Variants in DYSF observed in about 807,000 individuals in gnomAD.
The protein encoded by DYSF is dystrophy-associated fer-1-like 1.
A neutral mutation model predicts 274.9 loss-of-function variants in DYSF; 212 were observed. The observed-to-expected ratio is 0.77, with a 90% confidence interval of 0.69 to 0.86. DYSF has a LOEUF of 0.86. DYSF is among the 40% of genes least tolerant of loss of function. The pLI is 0.00. For synonymous variants in DYSF, 1,091 were observed against 1,078.7 expected (o/e 1.01, Z -0.22); for missense variants, 2,666 against 2,783.2 (o/e 0.96, Z 0.95).
At chr2:71,627,763 A>G (rs79228880) in intron 41 of DYSF, among the ~76,000 whole-genome samples, 5,265 of 152,166 alleles carry the variant, frequency 0.035, 158 homozygotes, top group Admixed American at 0.099. Flanking sequence ...TTCTCTCTCT[A>G]TAGAGAATTC....
chr2:71,662,518 G>GTGTA (rs778404663), intron 45 of DYSF, among the ~76,000 whole-genome samples: 1 of 151,020 alleles, frequency 6.6e-6, no homozygotes, highest in African/African-American at 2.4e-5. Context: ...ATGTGTATGT[G>GTGTA]TGTCTGTGTT....
rs753524567 is a variant in DYSF at position 71,535,088 on chromosome 2, T to C, written c.1448T>C (p.Met483Thr). The change falls in exon 15 of 56, where the codon ATG (methionine) becomes ACG (threonine). Residue 483 changes from methionine (M) to threonine (T), a missense_variant and splice_region_variant. This residue lies in a region of DYSF where 794 missense variants were observed against 777.1 expected (regional missense o/e 1.02). Transcript: ENST00000410020. The stretch of plus-strand genomic sequence containing the variant: ...AACCAGAACATCACACTGCCTGCCA[T>C]GGTGAGCCTCCTGCCCCCAGCAAAC... ...QWNQNITLPA[M>T]FPSMCEKMRI... 3.1e-6 allele frequency: 5 copies of C among 1,614,018 alleles called. No homozygotes were observed. The highest frequency in any genetic ancestry group is 1.1e-5 in the South Asian group (1 of 91,078).
At chr2:71,599,996 C>T (rs1051428651) in intron 33 of DYSF, among the ~76,000 whole-genome samples, 3 of 151,858 alleles carry the variant, frequency 2.0e-5, no homozygotes, top group African/African-American at 7.3e-5. Flanking sequence ...CAGGCCCTGG[C>T]ACCTTCGGAG....
chr2:71,571,181 C>G (rs2092410729), intron 29 of DYSF, among the ~76,000 whole-genome samples: 3 of 150,000 alleles, frequency 2.0e-5, no homozygotes, highest in African/African-American at 7.4e-5. Context: ...AGATCACACC[C>G]AGCACACACA....
At chr2:71,493,787 G>T (rs1195754682) in intron 3 of DYSF, among the ~76,000 whole-genome samples, 2 of 140,842 alleles carry the variant, frequency 1.4e-5, no homozygotes, top group Non-Finnish European at 1.5e-5. Context: ...AGGAGGTGGA[G>T]GTTGCAGTGA....
At chr2:71,670,811 T>C (rs2095106664) in intron 51 of DYSF, among the ~76,000 whole-genome samples, 1 of 152,202 alleles carries the variant, frequency 6.6e-6, no homozygotes, top group African/African-American at 2.4e-5. Context: ...ACTTCAGGGC[T>C]ATGCTGGTTG....
intron 41 of DYSF, among the ~76,000 whole-genome samples, chr2:71,626,286 G>C (rs747837894): frequency 7.0e-6 from 1 of 143,496 alleles, no homozygotes; most frequent in Non-Finnish European, 1.5e-5. Flanking sequence ...CTAGTTACCT[G>C]TTAGAATCTT....
At chr2:71,466,637 G>C, upstream of DYSF, 1 of 1,298,686 alleles carries the variant, frequency 7.7e-7, no homozygotes, top group Non-Finnish European at 9.8e-7. Context: ...AGGGGCCGGA[G>C]GGGGAGGGTC....
chr2:71,570,136 G>C lies in DYSF; in HGVS notation c.2980-93G>C. 7 of 1,231,306 alleles carry C rather than the reference G, an allele frequency of 5.7e-6. 1 individual carries two copies. In the South Asian group the frequency reaches 8.5e-5, roughly 15 times the overall value. The allele number at this position is 1,231,306 out of a possible 1,614,324, so 76.3% of individuals were successfully genotyped here. A position where few individuals can be genotyped will look rare whatever the true frequency, so the allele number is the denominator to read the frequency against. On this transcript the variant is annotated intron_variant, in intron 27 of 55. Coordinates refer to ENST00000410020, the MANE Select transcript of DYSF (RefSeq NM_001130987.2). Reference sequence around the variant, plus strand: ...GCTCTGCCCTTCTGTCTGGGACTTGGAGGACGTATGTTGTCAAGTTGCATC... The same window carrying C: ...GCTCTGCCCTTCTGTCTGGGACTTGCAGGACGTATGTTGTCAAGTTGCATC...
At chr2:71,556,305 C>T (rs888447462) in intron 22 of DYSF, among the ~76,000 whole-genome samples, 26 of 152,226 alleles carry the variant, frequency 1.7e-4, no homozygotes, top group African/African-American at 5.3e-4. Flanking sequence ...GCCCGGCGGC[C>T]GGCTCACCTG....
chr2:71,667,563 C>A, intron 48 of DYSF, 48 bp downstream of exon 48: 1 of 1,611,820 alleles, frequency 6.2e-7, no homozygotes, highest in African/African-American at 1.3e-5. Context: ...TCCAGAAAGC[C>A]CCAACCCCAG....
Position 71,466,699 on chromosome 2 carries a change from A to T in DYSF, c.-144A>T. On this transcript the variant is annotated 5_prime_UTR_variant, in exon 1 of 56. Transcript: ENST00000410020. ...CTGCAGCCTCTCCCAGGCATTGGTC[A>T]CTTCTCCGCGGAGGAGCAGCGAAGG... The T allele has an allele frequency of 4.3e-6, 6 of 1,382,472 alleles. No homozygotes were observed. Among genetic ancestry groups the T allele is most frequent in the Non-Finnish European group, 4.7e-6 (5 of 1,068,268 alleles). The allele number at this position is 1,382,472 out of a possible 1,614,324, so 85.6% of individuals were successfully genotyped here. A position where few individuals can be genotyped will look rare whatever the true frequency, so the allele number is the denominator to read the frequency against.
At chr2:71,682,302 T>TGGCAGCACCCAGAAGAGGAG (rs2095306262) in intron 54 of DYSF, among the ~76,000 whole-genome samples, 1 of 151,910 alleles carries the variant, frequency 6.6e-6, no homozygotes, top group Non-Finnish European at 1.5e-5. Flanking sequence ...GCTTAGGGCT[T>TGGCAGCACCCAGAAGAGGAG]GGCAGCACCC....
At chr2:71,531,568 A>G (rs1269000553) in intron 14 of DYSF, among the ~76,000 whole-genome samples, 2 of 151,750 alleles carry the variant, frequency 1.3e-5, no homozygotes, top group African/African-American at 2.4e-5. Flanking sequence ...GAGAGTCTCA[A>G]AACATGGTAC....
intron 33 of DYSF, among the ~76,000 whole-genome samples, chr2:71,600,467 A>G (rs2152858380): frequency 6.6e-6 from 1 of 152,302 alleles, no homozygotes; most frequent in Non-Finnish European, 1.5e-5. Flanking sequence ...GTCCAGAGGG[A>G]CTTCCCGACC....
chr2:71,512,061 A>G (rs1181759630), intron 5 of DYSF, 140 bp downstream of exon 5: 4 of 705,378 alleles, frequency 5.7e-6, no homozygotes, highest in Non-Finnish European at 1.0e-5. Flanking sequence ...GCCTGGAAAG[A>G]AGAGGGTGCA....
At chr2:71,544,091 ATCT>A (rs1178341952) in intron 17 of DYSF, among the ~76,000 whole-genome samples, 2 of 152,166 alleles carry the variant, frequency 1.3e-5, no homozygotes, top group Admixed American at 6.5e-5. Flanking sequence ...CAAAAACTAC[ATCT>A]TCTTGTACTC....
intron 41 of DYSF, among the ~76,000 whole-genome samples, chr2:71,625,257 A>G (rs1020021383): frequency 6.6e-5 from 10 of 152,088 alleles, no homozygotes; most frequent in African/African-American, 1.9e-4. Flanking sequence ...TTTAGAAAAG[A>G]CTGTTAAAGG....
intron 30 of DYSF, among the ~76,000 whole-genome samples, chr2:71,576,654 G>A (rs2152826660): frequency 6.6e-6 from 1 of 152,352 alleles, no homozygotes; most frequent in East Asian, 1.9e-4. Flanking sequence ...GCTGACGGCT[G>A]CCTGCCAGGC....
Sources: gnomAD v4.1 joint callset for allele counts (sites outside exome capture counted in the v4.1 genomes callset) on GRCh38, gnomAD v4.1.1 for gene constraint, gnomAD v4.1.1 regional missense constraint, MANE v1.5 for transcripts, NCBI Gene and HGNC (gene_info 2026-07-23, HGNC 2026-07-21) for gene names.